The following TC2N variants were observed in gnomAD, a reference collection of about 807,000 sequenced individuals.
The protein encoded by TC2N is tandem C2 domains, nuclear.
A neutral mutation model predicts 61.9 loss-of-function variants in TC2N; 51 were observed. That is an observed-to-expected ratio of 0.82 (90% CI 0.66 to 1.04). TC2N has a LOEUF of 1.04. TC2N is among the 50% of genes least tolerant of loss of function. The probability of loss-of-function intolerance (pLI) is 0.00; values close to 1 mark genes in which losing one functional copy is unlikely to be tolerated. For synonymous variants in TC2N, 204 were observed against 192.6 expected (o/e 1.06, Z -0.49); for missense variants, 556 against 566.7 (o/e 0.98, Z 0.19).
rs1481594247 is a variant in TC2N, at chr14:91,780,054, A to G, written c.*3046T>C. The G allele has an allele frequency of 6.6e-6, 1 of 152,226 alleles. No individual in the cohort carries two copies. Among genetic ancestry groups the G allele is most frequent in the Non-Finnish European group, 1.5e-5 (1 of 68,040 alleles). 9.4% of individuals were successfully genotyped at this position (152,226 alleles called of 1,614,324 possible). On this transcript the variant is annotated 3_prime_UTR_variant, in exon 12 of 12. Coordinates refer to ENST00000435962, the MANE Select transcript of TC2N (RefSeq NM_001128596.3). ...CAATGTTTTAGCCAAAACTGCAAACATTTGAAATTTAATTTTGAATAAAAA... is the reference window on the plus strand; with the variant it reads ...CAATGTTTTAGCCAAAACTGCAAACGTTTGAAATTTAATTTTGAATAAAAA...
chr14:91,864,665 A>T (rs1389317416), intron 1 of TC2N, among the ~76,000 whole-genome samples: 1 of 152,238 alleles, frequency 6.6e-6, no homozygotes, highest in East Asian at 1.9e-4. Flanking sequence ...GAATCAAGTG[A>T]TCCAATGACT....
At position 91,800,336 on chromosome 14, in the gene TC2N, G is replaced by A. The variant is rs771770694; in HGVS notation, c.506C>T (p.Pro169Leu). The stretch of plus-strand genomic sequence containing the variant: ...ATCAAACATAGATTTGCTTAGCCCA[G>A]GGGAACCGGGAAGTTTGTTCGTCCT... ...DLRTNKLPGS[P>L]GLSKSMFDLT... is the part of the protein sequence containing the mutation. The change falls in exon 5 of 12, where the codon CCT becomes CTT. Residue 169 changes from proline (P) to leucine (L), a missense_variant. By Grantham distance (98) the Pro-to-Leu change is moderately conservative. Transcript: ENST00000435962. 1.9e-6 allele frequency: 3 copies of A among 1,603,980 alleles called. No individual in the cohort carries two copies. The highest frequency in any genetic ancestry group is 2.6e-6 in the Non-Finnish European group (3 of 1,174,584).
chr14:91,810,512 A>T (rs1265250241), intron 3 of TC2N, among the ~76,000 whole-genome samples: 1 of 152,206 alleles, frequency 6.6e-6, no homozygotes, highest in East Asian at 1.9e-4. Context: ...TCAAGAATAC[A>T]ACCCCAAATT....
chr14:91,793,665 T>C (rs958313478), intron 8 of TC2N, among the ~76,000 whole-genome samples: 1 of 152,160 alleles, frequency 6.6e-6, no homozygotes, highest in African/African-American at 2.4e-5. Flanking sequence ...ACCACACCTA[T>C]ATAAGATGGG....
intron 1 of TC2N, among the ~76,000 whole-genome samples, chr14:91,850,974 T>G (rs1265143201): frequency 6.6e-6 from 1 of 152,128 alleles, no homozygotes; most frequent in Admixed American, 6.6e-5. Flanking sequence ...GAGCTATCAC[T>G]GTCTCTCACC....
At chr14:91,824,185 T>C (rs1312627288) in intron 1 of TC2N, among the ~76,000 whole-genome samples, 1 of 152,174 alleles carries the variant, frequency 6.6e-6, no homozygotes, top group Non-Finnish European at 1.5e-5. Context: ...AGATAAAAGC[T>C]ATAAACACCC....
At chr14:91,823,579 A>G (rs78354398) in intron 1 of TC2N, among the ~76,000 whole-genome samples, 3,872 of 151,872 alleles carry the variant, frequency 0.025, 176 homozygotes, top group African/African-American at 0.089. Flanking sequence ...ATTTTACCCA[A>G]AGAAAATAAT....
chr14:91,813,946 T>C (rs536626230), intron 1 of TC2N, 121 bp from the exon 2 acceptor site: 10 of 406,166 alleles, frequency 2.5e-5, no homozygotes, highest in African/African-American at 1.8e-4. Context: ...GCAAAAATAC[T>C]TGAGGAAGAT....
intron 1 of TC2N, among the ~76,000 whole-genome samples, chr14:91,848,313 G>A (rs73339606): frequency 0.041 from 6,194 of 152,214 alleles, 347 homozygotes; most frequent in African/African-American, 0.12. Context: ...GCCAGCCCGG[G>A]CACATAACTA....
intron 3 of TC2N, among the ~76,000 whole-genome samples, chr14:91,809,881 A>T (rs535784848): frequency 1.1e-4 from 16 of 152,290 alleles, no homozygotes; most frequent in African/African-American, 3.8e-4. Context: ...AAGTCCAACC[A>T]GTTTACTTGT....
intron 1 of TC2N, among the ~76,000 whole-genome samples, chr14:91,862,254 C>A (rs911002605): frequency 2.0e-5 from 3 of 150,192 alleles, no homozygotes; most frequent in Non-Finnish European, 3.0e-5. Flanking sequence ...ATGGTAGGAT[C>A]GCTTAAGCCC....
intron 1 of TC2N, among the ~76,000 whole-genome samples, chr14:91,847,751 T>C (rs1252801813): frequency 6.6e-6 from 1 of 152,162 alleles, no homozygotes; most frequent in African/African-American, 2.4e-5. Flanking sequence ...TAAATAACGA[T>C]AAAATGCTGT....
At chr14:91,832,424 A>C (rs902744039) in intron 1 of TC2N, among the ~76,000 whole-genome samples, 17 of 152,252 alleles carry the variant, frequency 1.1e-4, no homozygotes, top group South Asian at 2.1e-4. Flanking sequence ...TAAAGTAAAA[A>C]AACAACAACA....
intron 9 of TC2N, among the ~76,000 whole-genome samples, chr14:91,791,783 C>CAGAGTTATTTCCCTTGAAGTAT (rs1393437180): frequency 6.6e-6 from 1 of 151,958 alleles, no homozygotes; most frequent in Non-Finnish European, 1.5e-5. Flanking sequence ...ATTCATACTT[C>CAGAGTTATTTCCCTTGAAGTAT]AGAGTTATTT....
At chr14:91,847,945 C>A (rs1184623894) in intron 1 of TC2N, among the ~76,000 whole-genome samples, 2 of 152,200 alleles carry the variant, frequency 1.3e-5, no homozygotes, top group Non-Finnish European at 2.9e-5. Context: ...CATCCTAAAT[C>A]TAGTTCCATT....
chr14:91,825,608 A>G (rs558010135), intron 1 of TC2N, among the ~76,000 whole-genome samples: 11 of 152,304 alleles, frequency 7.2e-5, no homozygotes, highest in African/African-American at 2.6e-4. Context: ...TTCAAAATAT[A>G]ACTACCTGAT....
chr14:91,837,658 A>G lies in TC2N; in HGVS notation c.-56-23833T>C, dbSNP rs993788390. Among the ~76,000 whole-genome samples, 9 of 152,362 alleles carry G rather than the reference A, an allele frequency of 5.9e-5. No homozygotes were observed. Among genetic ancestry groups the G allele is most frequent in the African/African-American group, 1.9e-4 (8 of 41,590 alleles). Reference sequence around the variant, plus strand: ...GAGATGCTGCAGTGGGAGTAGGGGTAGATCACCAGATCACATTAATGTGGG... The same window carrying G: ...GAGATGCTGCAGTGGGAGTAGGGGTGGATCACCAGATCACATTAATGTGGG... On this transcript the variant is annotated intron_variant, in intron 1 of 11. Coordinates refer to ENST00000435962, the MANE Select transcript of TC2N (RefSeq NM_001128596.3). The surrounding 1 kb of genome is among the most constrained non-coding windows in gnomAD (Gnocchi z 4.2).
intron 9 of TC2N, 104 bp downstream of exon 9, chr14:91,792,263 A>G: frequency 3.4e-6 from 2 of 591,554 alleles, no homozygotes; most frequent in Non-Finnish European, 5.5e-6. Context: ...AGAGCCTTCC[A>G]GATCCTCTAA....
intron 3 of TC2N, 25 bp downstream of exon 3, chr14:91,812,287 T>G: frequency 7.4e-7 from 1 of 1,347,156 alleles, no homozygotes; most frequent in Non-Finnish European, 1.0e-6. Context: ...TATCGATTTT[T>G]AAATACTGCT....
Sources: gnomAD v4.1 joint callset for allele counts (sites outside exome capture counted in the v4.1 genomes callset) on GRCh38, gnomAD v4.1.1 for gene constraint, Gnocchi (gnomAD v3.1) non-coding constraint, MANE v1.5 for transcripts, NCBI Gene and HGNC (gene_info 2026-07-23, HGNC 2026-07-21) for gene names.